HPSE2: variants seen among roughly 807,000 people sequenced by gnomAD.
The protein encoded by HPSE2 is inactive heparanase-2.
Under a neutral mutation model 60.5 loss-of-function variants are expected in HPSE2, and 38 were observed. The ratio of observed to expected loss-of-function variants is 0.63; its 90% CI spans 0.48 to 0.82. HPSE2 has a LOEUF of 0.82. Ranked by LOEUF, HPSE2 falls within the 40% of genes least tolerant of loss-of-function variation. The pLI, the probability that HPSE2 is intolerant of heterozygous loss-of-function variation, is 0.00. For synonymous variants in HPSE2, 295 were observed against 293.2 expected (o/e 1.01, Z -0.06); for missense variants, 713 against 740.4 (o/e 0.96, Z 0.43).
the HPSE2 span, among the ~76,000 whole-genome samples, chr10:99,245,793 T>C: frequency 6.6e-6 from 1 of 152,140 alleles, no homozygotes; most frequent in African/African-American, 2.4e-5. Flanking sequence ...ACTCCAGTAG[T>C]AAAATTTGCA....
At chr10:99,231,510 C>T (rs978916937) in intron 2 of HPSE2, among the ~76,000 whole-genome samples, 1 of 152,210 alleles carries the variant, frequency 6.6e-6, no homozygotes, top group East Asian at 1.9e-4. Flanking sequence ...ATGTTAACAC[C>T]TAACCTTCTA....
chr10:98,816,310 A>G (rs1951288881), intron 3 of HPSE2, among the ~76,000 whole-genome samples: 1 of 152,060 alleles, frequency 6.6e-6, no homozygotes, highest in Admixed American at 6.5e-5. Flanking sequence ...GTGTTTCTCA[A>G]CAGATGCCTG....
the HPSE2 span, among the ~76,000 whole-genome samples, chr10:99,290,447 T>G: frequency 2.0e-5 from 3 of 152,296 alleles, no homozygotes; most frequent in South Asian, 4.2e-4. Flanking sequence ...GGGCAAAGGG[T>G]GCCACTGAGC....
At chr10:98,875,597 G>T (rs545552090) in intron 3 of HPSE2, among the ~76,000 whole-genome samples, 1 of 151,556 alleles carries the variant, frequency 6.6e-6, no homozygotes, top group Non-Finnish European at 1.5e-5. Flanking sequence ...TCTACCAGAG[G>T]TACAAAGAAT....
intron 6 of HPSE2, among the ~76,000 whole-genome samples, chr10:98,692,626 G>C (rs1484996610): frequency 6.6e-6 from 1 of 152,042 alleles, no homozygotes; most frequent in Non-Finnish European, 1.5e-5. Context: ...AAAATTAGCC[G>C]GGCATGGGGG....
chr10:98,923,105 TTTTA>T (rs1184295829), intron 3 of HPSE2, among the ~76,000 whole-genome samples: 1 of 152,180 alleles, frequency 6.6e-6, no homozygotes, highest in Non-Finnish European at 1.5e-5. Flanking sequence ...ATCCCTCAGG[TTTTA>T]TTTGTCTGAG....
chr10:99,173,077 G>A (rs1375609130), intron 2 of HPSE2, among the ~76,000 whole-genome samples: 2 of 152,100 alleles, frequency 1.3e-5, no homozygotes, highest in African/African-American at 4.8e-5. Context: ...TAAGCCTGGA[G>A]TATAGTAGGG....
the HPSE2 span, among the ~76,000 whole-genome samples, chr10:99,302,018 T>C: frequency 6.6e-6 from 1 of 152,022 alleles, no homozygotes; most frequent in Admixed American, 6.6e-5. Context: ...CTAGCAGGCC[T>C]GACCTCAAAG....
intron 9 of HPSE2, among the ~76,000 whole-genome samples, chr10:98,561,525 G>T (rs1944182613): frequency 6.6e-6 from 1 of 152,156 alleles, no homozygotes; most frequent in Admixed American, 6.5e-5. Flanking sequence ...AACAGTTACA[G>T]TAAGCTAAGG....
At chr10:99,287,423 G>A in the HPSE2 span, among the ~76,000 whole-genome samples, 2 of 152,070 alleles carry the variant, frequency 1.3e-5, no homozygotes. Flanking sequence ...GCCATCAGAG[G>A]AGTCCCAGTT....
intron 4 of HPSE2, among the ~76,000 whole-genome samples, chr10:98,724,042 T>G (rs1301770807): frequency 6.6e-6 from 1 of 152,210 alleles, no homozygotes; most frequent in African/African-American, 2.4e-5. Context: ...CTCTAGTTCT[T>G]TTAATTGGGA....
intron 3 of HPSE2, among the ~76,000 whole-genome samples, chr10:98,960,703 T>C (rs1469601043): frequency 6.0e-5 from 3 of 50,302 alleles, no homozygotes; most frequent in African/African-American, 3.0e-4. Context: ...GTACATTTCT[T>C]TTTTTTTTTT....
At chr10:99,128,876 A>C (rs1845270176) in intron 3 of HPSE2, among the ~76,000 whole-genome samples, 2 of 152,168 alleles carry the variant, frequency 1.3e-5, no homozygotes, top group Non-Finnish European at 2.9e-5. Context: ...AAAATCCACC[A>C]ACCAAGTATC....
At chr10:98,821,907 GT>G in intron 3 of HPSE2, among the ~76,000 whole-genome samples, 1 of 152,140 alleles carries the variant, frequency 6.6e-6, no homozygotes, top group African/African-American at 2.4e-5. Flanking sequence ...GATATGGATT[GT>G]TTTCCAAAAA....
At chr10:98,643,841 T>C (rs1363675843) in intron 6 of HPSE2, among the ~76,000 whole-genome samples, 1 of 152,234 alleles carries the variant, frequency 6.6e-6, no homozygotes, top group African/African-American at 2.4e-5. Context: ...TGCTACTATA[T>C]TATATGGTGA....
intron 5 of HPSE2, among the ~76,000 whole-genome samples, chr10:98,715,707 ATATAC>A (rs1948774005): frequency 6.6e-6 from 1 of 152,080 alleles, no homozygotes; most frequent in African/African-American, 2.4e-5. Context: ...AGAACAATGT[ATATAC>A]CTTAATTCAA....
chr10:98,888,379 C>T (rs2134917622), intron 3 of HPSE2, among the ~76,000 whole-genome samples: 1 of 152,164 alleles, frequency 6.6e-6, no homozygotes, highest in South Asian at 2.1e-4. Flanking sequence ...CATATTTTTA[C>T]CTGCTTATTG....
chr10:98,775,307 G>A (rs2134433172), intron 3 of HPSE2, among the ~76,000 whole-genome samples: 1 of 152,194 alleles, frequency 6.6e-6, no homozygotes, highest in East Asian at 1.9e-4. Context: ...GCACATTCTG[G>A]GATTGAACCA....
At chr10:99,294,153 C>T in the HPSE2 span, among the ~76,000 whole-genome samples, 1 of 151,758 alleles carries the variant, frequency 6.6e-6, no homozygotes, top group Non-Finnish European at 1.5e-5. Flanking sequence ...TAAGATTGCA[C>T]CTAAATTAAC....
Sources: gnomAD v4.1 joint callset for allele counts (sites outside exome capture counted in the v4.1 genomes callset) on GRCh38, gnomAD v4.1.1 for gene constraint, MANE v1.5 for transcripts, NCBI Gene and HGNC (gene_info 2026-07-23, HGNC 2026-07-21) for gene names.